PTPRN2: variants seen among roughly 807,000 people sequenced by gnomAD.
PTPRN2 encodes the protein receptor-type tyrosine-protein phosphatase N2.
A neutral mutation model predicts 118.8 loss-of-function variants in PTPRN2; 74 were observed. That is an observed-to-expected ratio of 0.62 (90% CI 0.52 to 0.76). The LOEUF (loss-of-function observed/expected upper bound fraction) is 0.76. Among genes scored for constraint, PTPRN2 ranks in the 30% least tolerant of loss-of-function variants. The pLI, the probability that PTPRN2 is intolerant of heterozygous loss-of-function variation, is 0.00. For synonymous variants in PTPRN2, 641 were observed against 608.0 expected (o/e 1.05, Z -0.80); for missense variants, 1,481 against 1,394.4 (o/e 1.06, Z -0.99).
At chr7:157,901,954 G>A (rs924112731) in intron 11 of PTPRN2, among the ~76,000 whole-genome samples, 4 of 151,706 alleles carry the variant, frequency 2.6e-5, no homozygotes, top group Non-Finnish European at 4.4e-5. Flanking sequence ...GTCCTGAGGC[G>A]GGGCCTTCCC....
intron 12 of PTPRN2, among the ~76,000 whole-genome samples, chr7:157,745,265 G>A (rs1800853507): frequency 6.6e-6 from 1 of 152,204 alleles, no homozygotes; most frequent in Non-Finnish European, 1.5e-5. Context: ...GTATGTCTCA[G>A]CCCAGGTCAT....
chr7:158,170,836 A>T (rs1823475404), intron 5 of PTPRN2, among the ~76,000 whole-genome samples: 1 of 152,142 alleles, frequency 6.6e-6, no homozygotes, highest in East Asian at 1.9e-4. Context: ...CTACGAGCTT[A>T]ATGACCTTTG....
chr7:158,423,815 A>G (rs1250870179), intron 2 of PTPRN2, among the ~76,000 whole-genome samples: 3 of 151,938 alleles, frequency 2.0e-5, no homozygotes, highest in African/African-American at 7.3e-5. Context: ...CCAGCCCCTC[A>G]TTTTCTAGAT....
chr7:157,919,043 C>T (rs2128768166), intron 11 of PTPRN2, among the ~76,000 whole-genome samples: 2 of 152,296 alleles, frequency 1.3e-5, no homozygotes, highest in South Asian at 4.1e-4. Flanking sequence ...GCTAGTAAAA[C>T]ACAGAGCCTT....
At position 157,622,425 on chromosome 7, in the gene PTPRN2, C is replaced by T. The variant is rs911154703; in HGVS notation, c.2197-916G>A. 5.9e-5 allele frequency among the ~76,000 whole-genome samples: 9 copies of T among 152,208 alleles called. No homozygotes were observed. The highest frequency in any genetic ancestry group is 2.2e-4 in the African/African-American group (9 of 41,468). ...GTCCAAGCCCTTCTCACCTTCTGCC[C>T]ACCCCCTGACATCCCCTTCGATTGA... On this transcript the variant is annotated intron_variant, in intron 14 of 22. Transcript: ENST00000389418. The surrounding 1 kb of genome is among the most constrained non-coding windows in gnomAD (Gnocchi z 5.3).
At chr7:158,129,379 ACACACAC>A (rs1358338191) in intron 9 of PTPRN2, among the ~76,000 whole-genome samples, 7 of 149,278 alleles carry the variant, frequency 4.7e-5, no homozygotes, top group Admixed American at 4.7e-4. Flanking sequence ...CACACAAACA[ACACACAC>A]CACACACTAC....
chr7:157,890,468 C>T (rs901298717), intron 12 of PTPRN2, among the ~76,000 whole-genome samples: 4 of 152,090 alleles, frequency 2.6e-5, no homozygotes, highest in South Asian at 2.1e-4. Flanking sequence ...GGTGAAACCC[C>T]GTCTCTACTA....
At chr7:158,005,641 G>T (rs564134183) in intron 11 of PTPRN2, among the ~76,000 whole-genome samples, 2 of 152,324 alleles carry the variant, frequency 1.3e-5, no homozygotes, top group East Asian at 1.9e-4. Context: ...TGCAGGGGGA[G>T]GTGCAGGGCA....
chr7:158,553,406 A>C (rs796590889), intron 1 of PTPRN2, among the ~76,000 whole-genome samples: 11 of 134,106 alleles, frequency 8.2e-5, no homozygotes, highest in African/African-American at 3.1e-4. Flanking sequence ...GCCTCCCCTT[A>C]TACACACACA....
intron 3 of PTPRN2, among the ~76,000 whole-genome samples, chr7:158,281,354 T>C (rs1264531802): frequency 7.9e-5 from 12 of 152,206 alleles, no homozygotes; most frequent in Non-Finnish European, 1.5e-5. Flanking sequence ...AAAACAGTAG[T>C]AGAGTCATAC....
intron 3 of PTPRN2, among the ~76,000 whole-genome samples, chr7:158,295,102 GT>G (rs1341603489): frequency 7.3e-6 from 1 of 136,560 alleles, no homozygotes; most frequent in Non-Finnish European, 1.5e-5. Context: ...CCACATCATG[GT>G]TCACCCGCCT....
Position 157,566,880 on chromosome 7 carries a change from G to A in PTPRN2, c.2902+2022C>T, listed in dbSNP as rs935699899. Among the ~76,000 whole-genome samples the A allele has an allele frequency of 1.1e-4, 17 of 152,326 alleles. No homozygotes were observed. In the South Asian group the frequency reaches 3.1e-3, roughly 28 times the overall value. ...GGAGACGCACGCTGGGGTCACCTGC[G>A]TCCGGCCGCCTGCCTGTGCTTCTGG... On this transcript the variant is annotated intron_variant, in intron 21 of 22. Transcript: ENST00000389418.
rs146786070 is a variant in PTPRN2, at chr7:157,658,226, C to G, written c.2002-1675G>C. On this transcript the variant is annotated intron_variant, in intron 13 of 22. Transcript: ENST00000389418. ...TGCACTGTGGACTGAGATACAGAAA[C>G]TGGTACCACAATCAAAGAGTCTGCA... is the stretch of plus-strand genomic sequence containing the variant. Among the ~76,000 whole-genome samples, 7 of 152,262 alleles carry G rather than the reference C, an allele frequency of 4.6e-5. No homozygotes were observed. In the East Asian group the frequency reaches 1.3e-3, roughly 29 times the overall value.
intron 13 of PTPRN2, among the ~76,000 whole-genome samples, chr7:157,657,752 A>C (rs1795644838): frequency 1.2e-5 from 1 of 84,144 alleles, no homozygotes. Context: ...ACACACACAT[A>C]CACCACACAC....
intron 2 of PTPRN2, among the ~76,000 whole-genome samples, chr7:158,363,944 C>G (rs2151298507): frequency 6.6e-6 from 1 of 152,298 alleles, no homozygotes; most frequent in South Asian, 2.1e-4. Context: ...CACACATGCA[C>G]AGACACACAT....
intron 3 of PTPRN2, among the ~76,000 whole-genome samples, chr7:158,294,021 A>T (rs879568109): frequency 6.6e-6 from 1 of 152,272 alleles, no homozygotes; most frequent in Non-Finnish European, 1.5e-5. Context: ...ATAAAAGTAC[A>T]GCAAATACAC....
Position 158,167,187 on chromosome 7 carries a change from C to T in PTPRN2, c.654G>A (p.Pro218=), listed in dbSNP as rs1130497. 652,733 of 1,612,932 alleles carry T rather than the reference C, an allele frequency of 0.4. 135,073 individuals are homozygous for T. The highest frequency in any genetic ancestry group is 0.47 in the Middle Eastern group (2,860 of 6,060). ...SRTQLREDLL[P]RTLGQLQPDE... is the part of the protein sequence containing the mutation. ...CTGGCTGGAGCTGGCCGAGGGTCCG[C>T]GGCAGGAGGTCCTCGCGGAGCTGGG... Residue 218 remains proline (P), a synonymous_variant, in exon 6 of 23, where the codon CCG becomes CCA. Coordinates refer to ENST00000389418, the MANE Select transcript of PTPRN2 (RefSeq NM_002847.5).
intron 12 of PTPRN2, among the ~76,000 whole-genome samples, chr7:157,830,535 C>T (rs1807493907): frequency 6.6e-6 from 1 of 151,648 alleles, no homozygotes; most frequent in African/African-American, 2.4e-5. Context: ...CCTGCTGTGG[C>T]CGGAGGCACA....
chr7:158,300,096 GC>G lies in PTPRN2; in HGVS notation c.277+16722del, dbSNP rs1800778296. Among the ~76,000 whole-genome samples, 5 of 152,302 alleles carry G rather than the reference GC, an allele frequency of 3.3e-5. No homozygotes were observed. In the South Asian group the frequency reaches 8.3e-4, roughly 25 times the overall value. Reference sequence around the variant, plus strand: ...GAAACCTAGGATGTTTTGGCAGCAAGCAATTTATGTCACTTTGAACCACAGA... The same window carrying G: ...GAAACCTAGGATGTTTTGGCAGCAAGAATTTATGTCACTTTGAACCACAGA... On this transcript the variant is annotated intron_variant, in intron 3 of 22. Transcript: ENST00000389418.
Sources: gnomAD v4.1 joint callset for allele counts (sites outside exome capture counted in the v4.1 genomes callset) on GRCh38, gnomAD v4.1.1 for gene constraint, Gnocchi (gnomAD v3.1) non-coding constraint, MANE v1.5 for transcripts, NCBI Gene and HGNC (gene_info 2026-07-23, HGNC 2026-07-21) for gene names.